The following DEPTOR variants were observed in gnomAD, a reference collection of about 807,000 sequenced individuals.
DEPTOR encodes DEP domain-containing mTOR-interacting protein.
Under a neutral mutation model 41.6 loss-of-function variants are expected in DEPTOR, and 41 were observed. The ratio of observed to expected loss-of-function variants is 0.98; its 90% CI spans 0.77 to 1.28. The LOEUF (loss-of-function observed/expected upper bound fraction) is 1.28, where lower values mean the gene tolerates loss of function less well. DEPTOR is among the 50% of genes most tolerant of loss of function. The pLI is 0.00. For missense variants in DEPTOR, 514 were observed against 527.9 expected (o/e 0.97, Z 0.26); for synonymous variants, 195 against 192.3 (o/e 1.01, Z -0.12).
At chr8:119,911,860 G>T (rs1827749455) in intron 1 of DEPTOR, among the ~76,000 whole-genome samples, 2 of 152,104 alleles carry the variant, frequency 1.3e-5, no homozygotes, top group South Asian at 4.2e-4. Flanking sequence ...CTACACTATG[G>T]TTTCCTTCTG....
chr8:119,987,105 G>A (rs1446991247), intron 4 of DEPTOR, among the ~76,000 whole-genome samples: 1 of 151,966 alleles, frequency 6.6e-6, no homozygotes, highest in Non-Finnish European at 1.5e-5. Flanking sequence ...TGGAGGAGAA[G>A]GGGCATTCTG....
At chr8:119,985,863 T>G (rs1828823478) in intron 4 of DEPTOR, among the ~76,000 whole-genome samples, 1 of 81,760 alleles carries the variant, frequency 1.2e-5, no homozygotes, top group Non-Finnish European at 2.6e-5. Flanking sequence ...TTTTTTTTTT[T>G]GCTTTCCATT....
chr8:119,981,961 C>T (rs1227060027), intron 4 of DEPTOR, among the ~76,000 whole-genome samples: 2 of 134,950 alleles, frequency 1.5e-5, no homozygotes, highest in South Asian at 2.3e-4. Context: ...TTGCAGTGAG[C>T]CAAGATCATG....
intron 8 of DEPTOR, among the ~76,000 whole-genome samples, chr8:120,010,385 CG>C (rs1020554002): frequency 1.3e-5 from 2 of 151,984 alleles, no homozygotes; most frequent in Non-Finnish European, 2.9e-5. Context: ...GAGGCTGAGG[CG>C]GGTGGATCAC....
At chr8:119,965,110 C>G in intron 3 of DEPTOR, 122 bp from the exon 4 acceptor site, 1 of 1,092,590 alleles carries the variant, frequency 9.2e-7, no homozygotes, top group Non-Finnish European at 1.3e-6. Flanking sequence ...GTGGTGGCAC[C>G]TGACAGCTGC....
intron 3 of DEPTOR, among the ~76,000 whole-genome samples, chr8:119,933,101 T>C (rs1828066132): frequency 6.6e-6 from 1 of 152,016 alleles, no homozygotes; most frequent in African/African-American, 2.4e-5. Context: ...CAATCTGATA[T>C]ACTTCTGCAT....
chr8:119,981,345 T>A (rs1413727322), intron 4 of DEPTOR, among the ~76,000 whole-genome samples: 2 of 152,182 alleles, frequency 1.3e-5, no homozygotes, highest in Non-Finnish European at 2.9e-5. Context: ...TACCTTTGAT[T>A]TTTTAATATT....
chr8:120,011,002 A>G (rs1312214333), intron 8 of DEPTOR, among the ~76,000 whole-genome samples: 2 of 152,208 alleles, frequency 1.3e-5, no homozygotes, highest in Admixed American at 1.3e-4. Flanking sequence ...AGAAGGCTTA[A>G]AAGCTAAAGA....
intron 3 of DEPTOR, among the ~76,000 whole-genome samples, chr8:119,950,207 A>AGATATACC (rs1340791966): frequency 6.6e-6 from 1 of 152,124 alleles, no homozygotes; most frequent in Non-Finnish European, 1.5e-5. Flanking sequence ...GTAGTGATTT[A>AGATATACC]AAATTTGTGT....
At chr8:120,018,011 C>CT in intron 8 of DEPTOR, among the ~76,000 whole-genome samples, 1 of 151,978 alleles carries the variant, frequency 6.6e-6, no homozygotes, top group Non-Finnish European at 1.5e-5. Context: ...CCATGATGTC[C>CT]TTTTTTTCCT....
intron 4 of DEPTOR, among the ~76,000 whole-genome samples, chr8:119,974,235 TAAAA>T (rs35885551): frequency 5.3e-5 from 4 of 74,850 alleles, no homozygotes; most frequent in Non-Finnish European, 5.0e-5. Flanking sequence ...CTTGTCTCTT[TAAAA>T]AAAAAAAAAA....
At chr8:119,904,031 A>G (rs1827628303) in intron 1 of DEPTOR, among the ~76,000 whole-genome samples, 1 of 152,098 alleles carries the variant, frequency 6.6e-6, no homozygotes, top group Non-Finnish European at 1.5e-5. Flanking sequence ...TCCCCACCCC[A>G]AAGTGCCTCT....
intron 8 of DEPTOR, among the ~76,000 whole-genome samples, chr8:120,024,438 G>A (rs1812769245): frequency 6.6e-6 from 1 of 152,124 alleles, no homozygotes; most frequent in African/African-American, 2.4e-5. Context: ...CTAACCCCGA[G>A]TACCTCAAAA....
At chr8:120,014,128 C>T (rs1283371680) in intron 8 of DEPTOR, among the ~76,000 whole-genome samples, 2 of 152,128 alleles carry the variant, frequency 1.3e-5, no homozygotes, top group Admixed American at 6.5e-5. Flanking sequence ...CTGTAAACGT[C>T]GGGCTTGGAG....
intron 1 of DEPTOR, among the ~76,000 whole-genome samples, chr8:119,901,173 G>A (rs768650847): frequency 2.2e-4 from 33 of 152,238 alleles, no homozygotes; most frequent in African/African-American, 6.5e-4. Context: ...ATGCATGGAC[G>A]AGGATATTTA....
At chr8:119,893,696 CAT>C (rs765998478) in intron 1 of DEPTOR, among the ~76,000 whole-genome samples, 1 of 151,904 alleles carries the variant, frequency 6.6e-6, no homozygotes, top group Non-Finnish European at 1.5e-5. Flanking sequence ...GGTGTGGTGG[CAT>C]GCGCCTGTAA....
chr8:120,043,174 T>G (rs1410840225), intron 8 of DEPTOR, among the ~76,000 whole-genome samples: 2 of 152,010 alleles, frequency 1.3e-5, no homozygotes, highest in African/African-American at 4.8e-5. Context: ...TGTGAGATTT[T>G]GGTACACCCA....
intron 7 of DEPTOR, 30 bp from the exon 8 acceptor site, chr8:120,008,999 C>T (rs1812490550): frequency 6.2e-7 from 1 of 1,609,092 alleles, no homozygotes; most frequent in East Asian, 2.2e-5. Context: ...AGACAGTCGG[C>T]TGCTTGCTAA....
chr8:119,991,934 A>G (rs1812180280), intron 4 of DEPTOR, among the ~76,000 whole-genome samples: 1 of 152,220 alleles, frequency 6.6e-6, no homozygotes, highest in Non-Finnish European at 1.5e-5. Context: ...CAGGACCCAG[A>G]AGACAAAATA....
Sources: gnomAD v4.1 joint callset for allele counts (sites outside exome capture counted in the v4.1 genomes callset) on GRCh38, gnomAD v4.1.1 for gene constraint, MANE v1.5 for transcripts, NCBI Gene and HGNC (gene_info 2026-07-23, HGNC 2026-07-21) for gene names.